MEOX2: variants seen among roughly 807,000 people sequenced by gnomAD.
MEOX2 encodes homeobox protein MOX-2.
In MEOX2, 11 loss-of-function variants were observed where a neutral mutation model predicts 27.0. The ratio of observed to expected loss-of-function variants is 0.41; its 90% CI spans 0.26 to 0.68. MEOX2 has a LOEUF of 0.68. Among genes scored for constraint, MEOX2 ranks in the 30% least tolerant of loss-of-function variants. The pLI is 0.33. For synonymous variants in MEOX2, 189 were observed against 155.4 expected, an observed-to-expected ratio of 1.22 and a Z score of -1.61; for missense variants, 436 against 385.4, an observed-to-expected ratio of 1.13 and a Z score of -1.10.
chr7:15,669,676 A>T (rs1269935207), intron 1 of MEOX2, among the ~76,000 whole-genome samples: 1 of 151,942 alleles, frequency 6.6e-6, no homozygotes, highest in Non-Finnish European at 1.5e-5. Context: ...TAGACAAGAG[A>T]CTCCCTATAC....
chr7:15,619,975 A>G (rs1781194513), intron 2 of MEOX2, among the ~76,000 whole-genome samples: 2 of 152,248 alleles, frequency 1.3e-5, no homozygotes, highest in Admixed American at 6.5e-5. Context: ...TTCATGTATC[A>G]TAACCTTTTT....
rs563266858 is a variant in MEOX2, at chr7:15,612,072, A to G, written c.*315T>C. On this transcript the variant is annotated 3_prime_UTR_variant, in exon 3 of 3. Transcript: ENST00000262041. ...ACATCTTGAATAAAAAACCGTTCAT[A>G]GTTTGCTCTTGATAGCAATTTAATT... 2 of 340,834 alleles carry G rather than the reference A, an allele frequency of 5.9e-6. No individual in the cohort carries two copies. The allele number at this position is 340,834 out of a possible 1,614,324, so 21.1% of individuals were successfully genotyped here.
chr7:15,649,331 T>C (rs13240077), intron 1 of MEOX2, among the ~76,000 whole-genome samples: 2 of 151,700 alleles, frequency 1.3e-5, no homozygotes, highest in African/African-American at 4.8e-5. Context: ...GCAGTAAGGG[T>C]GGGGGGAGAC....
At chr7:15,638,801 G>C (rs1781520696) in intron 1 of MEOX2, among the ~76,000 whole-genome samples, 1 of 152,042 alleles carries the variant, frequency 6.6e-6, no homozygotes, top group African/African-American at 2.4e-5. Flanking sequence ...CTGCTGTAGA[G>C]GACAGGATTT....
intron 1 of MEOX2, among the ~76,000 whole-genome samples, chr7:15,678,442 G>A (rs979667656): frequency 1.3e-5 from 2 of 152,120 alleles, no homozygotes; most frequent in African/African-American, 4.8e-5. Flanking sequence ...TTTCTGAATA[G>A]TTTCCTGTTT....
At chr7:15,640,704 A>T (rs1303256789) in intron 1 of MEOX2, among the ~76,000 whole-genome samples, 5 of 152,118 alleles carry the variant, frequency 3.3e-5, no homozygotes, top group African/African-American at 1.2e-4. Context: ...TGTTCCTTCA[A>T]TGCCTGGTTT....
At chr7:15,616,190 T>C (rs1781121395) in intron 2 of MEOX2, among the ~76,000 whole-genome samples, 1 of 151,840 alleles carries the variant, frequency 6.6e-6, no homozygotes, top group Non-Finnish European at 1.5e-5. Context: ...ATACCTTATA[T>C]ACTATTTTAT....
intron 1 of MEOX2, among the ~76,000 whole-genome samples, chr7:15,648,116 G>C (rs2115375096): frequency 1.3e-5 from 2 of 151,482 alleles, no homozygotes; most frequent in Middle Eastern, 6.8e-3. Context: ...TTAATTAACA[G>C]GTATTTAAAA....
chr7:15,683,388 A>G (rs1782323006), intron 1 of MEOX2, among the ~76,000 whole-genome samples: 1 of 152,096 alleles, frequency 6.6e-6, no homozygotes, highest in Non-Finnish European at 1.5e-5. Context: ...TGACATTTTT[A>G]TCTAATACAA....
chr7:15,636,234 G>C (rs1253367138), intron 1 of MEOX2, among the ~76,000 whole-genome samples: 2 of 151,862 alleles, frequency 1.3e-5, no homozygotes, highest in Non-Finnish European at 2.9e-5. Context: ...CTCTAATTAT[G>C]AGTTTCTTCA....
intron 2 of MEOX2, among the ~76,000 whole-genome samples, chr7:15,621,275 C>A (rs3823870): frequency 1.4e-3 from 209 of 152,124 alleles, no homozygotes; most frequent in Middle Eastern, 6.8e-3. Context: ...GTTCAACAAA[C>A]AACATTATAT....
chr7:15,681,029 A>T (rs1782284805), intron 1 of MEOX2: 2 of 151,682 alleles, frequency 1.3e-5, no homozygotes, highest in African/African-American at 4.8e-5. Flanking sequence ...CAAAAAAAAA[A>T]GTGAGAAAAA....
Position 15,676,726 on chromosome 7 carries a change from C to T in MEOX2, c.517+9160G>A, listed in dbSNP as rs1782199256. On this transcript the variant is annotated intron_variant, in intron 1 of 2. Transcript: ENST00000262041. ...TCTCTACTAAAAATATAAAAATTAG[C>T]GGGCGCCTGTAGTCCCAGCTACTCA... Among the ~76,000 whole-genome samples the T allele has an allele frequency of 3.3e-5, 5 of 151,878 alleles. No individual in the cohort carries two copies. The South Asian group carries it at 6.3e-4, about 19-fold the overall frequency.
intron 1 of MEOX2, among the ~76,000 whole-genome samples, chr7:15,645,415 C>G (rs544384270): frequency 6.6e-6 from 1 of 152,036 alleles, no homozygotes; most frequent in Admixed American, 6.6e-5. Flanking sequence ...AACCAAACAC[C>G]CTTTTATATC....
At position 15,612,036 on chromosome 7, in the gene MEOX2, T is replaced by C. The variant is rs1483882806; in HGVS notation, c.*351A>G. 7.5e-6 allele frequency: 2 copies of C among 265,320 alleles called. No individual in the cohort carries two copies. The highest frequency in any genetic ancestry group is 8.1e-5 in the East Asian group (1 of 12,400). The allele number at this position is 265,320 out of a possible 1,614,324, so 16.4% of individuals were successfully genotyped here. On this transcript the variant is annotated 3_prime_UTR_variant, in exon 3 of 3. Coordinates refer to ENST00000262041, the MANE Select transcript of MEOX2 (RefSeq NM_005924.5). Reference sequence around the variant, plus strand: ...CAATGCAAGTTCATCCTCGGCATCTTCACTCTGGAGACATCTTGAATAAAA... The same window carrying C: ...CAATGCAAGTTCATCCTCGGCATCTCCACTCTGGAGACATCTTGAATAAAA...
At chr7:15,650,686 G>C (rs1337586660) in intron 1 of MEOX2, among the ~76,000 whole-genome samples, 1 of 151,708 alleles carries the variant, frequency 6.6e-6, no homozygotes, top group Non-Finnish European at 1.5e-5. Context: ...AGAAATAGAG[G>C]GAAAAAAATT....
At chr7:15,673,595 A>C (rs1370370698) in intron 1 of MEOX2, among the ~76,000 whole-genome samples, 1 of 76,222 alleles carries the variant, frequency 1.3e-5, no homozygotes, top group Non-Finnish European at 2.6e-5. Flanking sequence ...AAACAAGTCT[A>C]TCAAAAAAAA....
chr7:15,629,895 T>C (rs1430306242), intron 1 of MEOX2, among the ~76,000 whole-genome samples: 1 of 152,020 alleles, frequency 6.6e-6, no homozygotes, highest in African/African-American at 2.4e-5. Context: ...CATTTGACAA[T>C]TTTTGCATCA....
intron 2 of MEOX2, among the ~76,000 whole-genome samples, chr7:15,614,092 T>TA (rs1011821840): frequency 3.3e-5 from 5 of 151,688 alleles, no homozygotes; most frequent in East Asian, 3.8e-4. Flanking sequence ...TTTCTTTTTC[T>TA]AAAAAAATCT....
Sources: gnomAD v4.1 joint callset for allele counts (sites outside exome capture counted in the v4.1 genomes callset) on GRCh38, gnomAD v4.1.1 for gene constraint, MANE v1.5 for transcripts, NCBI Gene and HGNC (gene_info 2026-07-23, HGNC 2026-07-21) for gene names.